CNTN3: variants seen among roughly 807,000 people sequenced by gnomAD.
The protein encoded by CNTN3 is contactin-3.
Under a neutral mutation model 119.1 loss-of-function variants are expected in CNTN3, and 60 were observed. The ratio of observed to expected loss-of-function variants is 0.50; its 90% CI spans 0.41 to 0.62. CNTN3 has a LOEUF of 0.62. CNTN3 is among the 20% of genes least tolerant of loss of function. The pLI, the probability that CNTN3 is intolerant of heterozygous loss-of-function variation, is 0.00. For missense variants in CNTN3, 1,101 were observed against 1,242.4 expected (o/e 0.89, Z 1.71); for synonymous variants, 450 against 438.7 (o/e 1.03, Z -0.32).
At chr3:74,442,852 CTG>C (rs1483163138) in intron 4 of CNTN3, among the ~76,000 whole-genome samples, 10 of 152,188 alleles carry the variant, frequency 6.6e-5, no homozygotes, top group East Asian at 1.9e-4. Flanking sequence ...GGAGATGAAA[CTG>C]TTGCATAATC....
intron 1 of CNTN3, among the ~76,000 whole-genome samples, chr3:74,529,601 A>C (rs537760961): frequency 3.9e-5 from 6 of 152,108 alleles, no homozygotes; most frequent in Non-Finnish European, 8.8e-5. Context: ...GTAATCTGCC[A>C]CAAAAATTTG....
intron 4 of CNTN3, among the ~76,000 whole-genome samples, chr3:74,438,692 C>T (rs989794437): frequency 6.6e-6 from 1 of 152,150 alleles, no homozygotes; most frequent in Non-Finnish European, 1.5e-5. Context: ...TTGAATTCAA[C>T]ACGAGAGTCT....
At chr3:74,498,326 T>G (rs760384714) in intron 3 of CNTN3, among the ~76,000 whole-genome samples, 1 of 151,888 alleles carries the variant, frequency 6.6e-6, no homozygotes, top group African/African-American at 2.4e-5. Flanking sequence ...TATTTCCAGA[T>G]GTTGCATATG....
chr3:74,492,368 C>G (rs1702980211), intron 3 of CNTN3, among the ~76,000 whole-genome samples: 1 of 152,114 alleles, frequency 6.6e-6, no homozygotes, highest in Non-Finnish European at 1.5e-5. Flanking sequence ...GGGAGCGTAT[C>G]TTTGATCAAT....
At position 74,319,760 on chromosome 3, in the gene CNTN3, C is replaced by T. The variant is rs1702935046; in HGVS notation, c.1668+14975G>A. Among the ~76,000 whole-genome samples, 2 of 151,482 alleles carry T rather than the reference C, an allele frequency of 1.3e-5. 1 individual carries two copies. Among genetic ancestry groups the T allele is most frequent in the Admixed American group, 1.3e-4 (2 of 15,216 alleles). On this transcript the variant is annotated intron_variant, in intron 13 of 22. Coordinates refer to ENST00000263665, the MANE Select transcript of CNTN3 (RefSeq NM_020872.3). ...CAAAATGGGAAAAAATTTTCGCAAC[C>T]TACTCATCTGACAAAGGGCTAATAT... is the stretch of plus-strand genomic sequence containing the variant.
intron 5 of CNTN3, among the ~76,000 whole-genome samples, chr3:74,380,344 C>G (rs1292121240): frequency 6.6e-6 from 1 of 152,206 alleles, no homozygotes; most frequent in Non-Finnish European, 1.5e-5. Flanking sequence ...GTGTGCAGAT[C>G]TTAAATTTAC....
intron 5 of CNTN3, among the ~76,000 whole-genome samples, chr3:74,393,686 A>T (rs1423734831): frequency 6.6e-6 from 1 of 152,204 alleles, no homozygotes; most frequent in Admixed American, 6.5e-5. Context: ...TGAAACACAG[A>T]GGGAAATGGG....
intron 5 of CNTN3, 43 bp downstream of exon 5, chr3:74,424,802 G>C: frequency 1.3e-6 from 2 of 1,539,138 alleles, no homozygotes; most frequent in Non-Finnish European, 1.8e-6. Context: ...GCCTTGCCCT[G>C]AACCTTAATA....
chr3:74,272,283 T>C (rs1701792657), intron 20 of CNTN3, among the ~76,000 whole-genome samples: 1 of 152,210 alleles, frequency 6.6e-6, no homozygotes, highest in Non-Finnish European at 1.5e-5. Flanking sequence ...GCTCTCTGGC[T>C]GTGGGTTGGA....
intron 20 of CNTN3, among the ~76,000 whole-genome samples, chr3:74,280,145 T>C (rs1015427208): frequency 3.3e-5 from 5 of 151,844 alleles, no homozygotes; most frequent in African/African-American, 1.2e-4. Context: ...ACACCTACAA[T>C]GTACCCACAA....
chr3:74,428,479 T>C (rs1234207491), intron 4 of CNTN3, among the ~76,000 whole-genome samples: 3 of 152,108 alleles, frequency 2.0e-5, no homozygotes, highest in Non-Finnish European at 4.4e-5. Flanking sequence ...TAAATGCTTT[T>C]GGCAAAAACA....
chr3:74,289,090 G>T (rs1042514897), intron 19 of CNTN3, among the ~76,000 whole-genome samples: 2 of 152,140 alleles, frequency 1.3e-5, no homozygotes, highest in African/African-American at 2.4e-5. Context: ...ACCCAGAAAA[G>T]TTAGCCACAC....
intron 1 of CNTN3, among the ~76,000 whole-genome samples, chr3:74,608,581 T>C (rs1705030308): frequency 6.6e-6 from 1 of 152,194 alleles, no homozygotes; most frequent in Non-Finnish European, 1.5e-5. Context: ...TAAATTCAGA[T>C]CATATCAAGA....
chr3:74,309,581 C>A (rs1237584039), intron 13 of CNTN3, among the ~76,000 whole-genome samples: 1 of 152,138 alleles, frequency 6.6e-6, no homozygotes, highest in Non-Finnish European at 1.5e-5. Flanking sequence ...ACCTAGGTCA[C>A]ATCCAGAACA....
intron 4 of CNTN3, among the ~76,000 whole-genome samples, chr3:74,449,666 C>A (rs561000348): frequency 1.3e-4 from 20 of 152,172 alleles, no homozygotes; most frequent in African/African-American, 4.6e-4. Flanking sequence ...TGCAAGAAAA[C>A]CTTCTGATGC....
intron 6 of CNTN3, among the ~76,000 whole-genome samples, chr3:74,370,312 T>C (rs1704304689): frequency 6.6e-6 from 1 of 152,114 alleles, no homozygotes; most frequent in Non-Finnish European, 1.5e-5. Context: ...TGCTGATTCA[T>C]AGGTTACCAC....
intron 9 of CNTN3, among the ~76,000 whole-genome samples, chr3:74,365,208 T>TGG (rs1704161135): frequency 6.6e-6 from 1 of 152,064 alleles, no homozygotes; most frequent in African/African-American, 2.4e-5. Context: ...ATACATTCAT[T>TGG]CCCCAGAGGC....
At chr3:74,318,826 C>G (rs534973880) in intron 13 of CNTN3, among the ~76,000 whole-genome samples, 1 of 152,300 alleles carries the variant, frequency 6.6e-6, no homozygotes, top group Admixed American at 6.5e-5. Flanking sequence ...AGGAGGCAAT[C>G]TGCCCGTTCT....
At chr3:74,428,602 TA>T (rs1380027926) in intron 4 of CNTN3, among the ~76,000 whole-genome samples, 1 of 152,222 alleles carries the variant, frequency 6.6e-6, no homozygotes, top group African/African-American at 2.4e-5. Context: ...TCAAAATTCA[TA>T]AAACATTAAA....
Sources: allele counts gnomAD v4.1 joint callset (sites outside exome capture counted in the v4.1 genomes callset), GRCh38; gene constraint gnomAD v4.1.1; transcripts MANE v1.5; gene names NCBI Gene and HGNC (gene_info 2026-07-23, HGNC 2026-07-21).